The following RSRC1 variants were observed in gnomAD, a reference collection of about 807,000 sequenced individuals.
RSRC1 encodes serine/Arginine-related protein 53.
Under a neutral mutation model 49.1 loss-of-function variants are expected in RSRC1, and 39 were observed. The observed-to-expected ratio is 0.79, with a 90% CI of 0.61 to 1.04. The LOEUF is 1.04. RSRC1 is among the 50% of genes least tolerant of loss of function. The probability of loss-of-function intolerance (pLI) is 0.00; values close to 1 mark genes in which losing one functional copy is unlikely to be tolerated. For synonymous variants in RSRC1, 143 were observed against 130.8 expected (o/e 1.09, Z -0.63); for missense variants, 388 against 402.4 (o/e 0.96, Z 0.31).
rs544851840 is a variant in RSRC1 at position 158,420,098 on chromosome 3, C to A, written c.584-40837C>A. On this transcript the variant is annotated intron_variant, in intron 6 of 9. Coordinates refer to ENST00000611884, the MANE Select transcript of RSRC1 (RefSeq NM_001271838.2). ...TACAAAAAAGTTTGAAGACTACCTG[C>A]GTTGCTTCACCTGTGTGGTATCACA... Among the ~76,000 whole-genome samples the A allele has an allele frequency of 2.6e-5, 4 of 152,054 alleles. No individual in the cohort carries two copies. The South Asian group carries it at 8.3e-4, about 32-fold the overall frequency.
At chr3:158,433,351 A>G (rs1735879684) in intron 6 of RSRC1, among the ~76,000 whole-genome samples, 1 of 151,998 alleles carries the variant, frequency 6.6e-6, no homozygotes, top group African/African-American at 2.4e-5. Flanking sequence ...AAAGTGAGTC[A>G]TTTTTATTTT....
intron 7 of RSRC1, among the ~76,000 whole-genome samples, chr3:158,519,834 T>C (rs1711559515): frequency 6.6e-6 from 1 of 152,054 alleles, no homozygotes; most frequent in Non-Finnish European, 1.5e-5. Flanking sequence ...TATAACTATA[T>C]GTTACCTAGA....
At chr3:158,530,082 G>T (rs578249219) in intron 7 of RSRC1, among the ~76,000 whole-genome samples, 1 of 152,042 alleles carries the variant, frequency 6.6e-6, no homozygotes, top group African/African-American at 2.4e-5. Context: ...TTTACCAGAA[G>T]ATGTATGAGC....
At chr3:158,132,113 A>C (rs1202698977) in intron 3 of RSRC1, 1 of 445,714 alleles carries the variant, frequency 2.2e-6, no homozygotes, top group Non-Finnish European at 4.5e-6. Flanking sequence ...CCTCCTGGGT[A>C]GCTGGGACTA....
At chr3:158,515,105 T>C (rs1740438870) in intron 7 of RSRC1, among the ~76,000 whole-genome samples, 1 of 149,202 alleles carries the variant, frequency 6.7e-6, no homozygotes, top group Admixed American at 6.7e-5. Context: ...TTGGAGCATT[T>C]AGTCCATTTA....
At chr3:158,159,681 T>G (rs1041583011) in intron 3 of RSRC1, among the ~76,000 whole-genome samples, 20 of 152,140 alleles carry the variant, frequency 1.3e-4, no homozygotes, top group African/African-American at 4.3e-4. Context: ...GTGTTTTGAA[T>G]AGAAAAGCTT....
At chr3:158,397,834 T>C (rs1393572201) in intron 6 of RSRC1, among the ~76,000 whole-genome samples, 3 of 152,120 alleles carry the variant, frequency 2.0e-5, no homozygotes, top group African/African-American at 7.2e-5. Context: ...ATCTCATCTT[T>C]AATGTCACCT....
intron 3 of RSRC1, among the ~76,000 whole-genome samples, chr3:158,186,461 C>T (rs144669695): frequency 6.6e-6 from 1 of 152,040 alleles, no homozygotes; most frequent in East Asian, 1.9e-4. Context: ...TCAGATTTAA[C>T]AAGGGAACCA....
intron 5 of RSRC1, among the ~76,000 whole-genome samples, chr3:158,315,531 C>T (rs188922839): frequency 6.6e-6 from 1 of 152,180 alleles, no homozygotes; most frequent in Non-Finnish European, 1.5e-5. Flanking sequence ...CTAGACCAAG[C>T]AGGCTCCAGA....
At chr3:158,391,218 A>AT (rs1193187313) in intron 6 of RSRC1, among the ~76,000 whole-genome samples, 2 of 151,866 alleles carry the variant, frequency 1.3e-5, no homozygotes, top group Non-Finnish European at 1.5e-5. Flanking sequence ...TTTTCTTTGT[A>AT]TTTTTTAAGC....
At chr3:158,412,114 C>T (rs73170394) in intron 6 of RSRC1, among the ~76,000 whole-genome samples, 20,504 of 152,048 alleles carry the variant, frequency 0.13, 1,504 homozygotes, top group Middle Eastern at 0.2. Context: ...ATTTCCAATT[C>T]GCCTAAAGAC....
chr3:158,328,331 T>A (rs1406065854), intron 5 of RSRC1, among the ~76,000 whole-genome samples: 1 of 152,216 alleles, frequency 6.6e-6, no homozygotes, highest in African/African-American at 2.4e-5. Flanking sequence ...CTAGCATCGA[T>A]GGTCTTTACA....
At chr3:158,294,018 T>A in intron 4 of RSRC1, among the ~76,000 whole-genome samples, 1 of 152,116 alleles carries the variant, frequency 6.6e-6, no homozygotes, top group East Asian at 1.9e-4. Flanking sequence ...TTTTTAAACA[T>A]CCTTTCAGCA....
chr3:158,220,317 A>G (rs553165870), intron 4 of RSRC1, among the ~76,000 whole-genome samples: 13 of 151,682 alleles, frequency 8.6e-5, no homozygotes, highest in South Asian at 4.2e-4. Flanking sequence ...TAGTCTGCCA[A>G]TAGTTGACTT....
chr3:158,214,370 T>TG (rs1232718673), intron 4 of RSRC1, among the ~76,000 whole-genome samples: 2 of 151,844 alleles, frequency 1.3e-5, no homozygotes, highest in African/African-American at 4.8e-5. Context: ...GAGTAAGTAT[T>TG]GCTAGAGGAT....
intron 7 of RSRC1, chr3:158,496,695 G>A: frequency 4.5e-6 from 1 of 221,422 alleles, no homozygotes; most frequent in Non-Finnish European, 9.8e-6. Flanking sequence ...TTACATGTTT[G>A]CATCCAGCTT....
intron 7 of RSRC1, among the ~76,000 whole-genome samples, chr3:158,525,028 G>T (rs1364261736): frequency 6.6e-6 from 1 of 151,964 alleles, no homozygotes; most frequent in East Asian, 1.9e-4. Flanking sequence ...AGATTTTTTG[G>T]ATAAGACACA....
intron 1 of RSRC1, among the ~76,000 whole-genome samples, chr3:158,116,532 C>CT (rs538828910): frequency 0.013 from 1,879 of 148,186 alleles, 20 homozygotes; most frequent in Middle Eastern, 0.042. Flanking sequence ...ATTGAAATTG[C>CT]TTTTTTTTTT....
At chr3:158,236,211 A>G (rs1723241993) in intron 4 of RSRC1, among the ~76,000 whole-genome samples, 1 of 152,124 alleles carries the variant, frequency 6.6e-6, no homozygotes, top group South Asian at 2.1e-4. Context: ...ATTTGTTAAT[A>G]TAATTAATTG....
Sources: gnomAD v4.1 joint callset for allele counts (sites outside exome capture counted in the v4.1 genomes callset) on GRCh38, gnomAD v4.1.1 for gene constraint, MANE v1.5 for transcripts, NCBI Gene and HGNC (gene_info 2026-07-23, HGNC 2026-07-21) for gene names.